CAST: variants seen among roughly 807,000 people sequenced by gnomAD.
CAST encodes MIR583 host.
Under a neutral mutation model 119.6 loss-of-function variants are expected in CAST, and 76 were observed. The ratio of observed to expected loss-of-function variants is 0.64; its 90% CI spans 0.53 to 0.77. CAST has a LOEUF of 0.77. CAST is among the 30% of genes least tolerant of loss of function. The probability of loss-of-function intolerance (pLI) is 0.00; values close to 1 mark genes in which losing one functional copy is unlikely to be tolerated. For missense variants in CAST, 953 were observed against 946.5 expected (o/e 1.01, Z -0.09); for synonymous variants, 319 against 331.6 (o/e 0.96, Z 0.41).
At position 96,608,440 on chromosome 5, in the gene CAST, A is replaced by G. The variant is rs75899615; in HGVS notation, c.61-67099A>G. 9.4e-3 allele frequency among the ~76,000 whole-genome samples: 1,433 copies of G among 152,246 alleles called. 6 individuals carry two copies. Among genetic ancestry groups the G allele is most frequent in the Non-Finnish European group, 0.015 (1,005 of 68,008 alleles). On this transcript the variant is annotated intron_variant, in intron 1 of 11. Coordinates refer to the CAST transcript ENST00000505143. The stretch of plus-strand genomic sequence containing the variant: ...AAGGTTTTTGTGGACTAGGTTTAAT[A>G]CTCAATAAATACTACCTGTTTGTAT...
the CAST span, among the ~76,000 whole-genome samples, chr5:96,520,138 C>T: frequency 6.6e-6 from 1 of 152,178 alleles, no homozygotes; most frequent in African/African-American, 2.4e-5. Context: ...AAACCATTCC[C>T]TTTTTTGCCT....
At chr5:96,394,867 C>T in the CAST span, 1 of 1,613,936 alleles carries the variant, frequency 6.2e-7, no homozygotes, top group Non-Finnish European at 8.5e-7. Context: ...CACAGACCTC[C>T]CCTGGATCCA....
the CAST span, among the ~76,000 whole-genome samples, chr5:96,128,576 C>T: frequency 0.013 from 1,920 of 152,174 alleles, 17 homozygotes; most frequent in South Asian, 0.02. Flanking sequence ...ACACTATCCT[C>T]CAACCTTTCT....
At chr5:96,109,788 G>A in the CAST span, among the ~76,000 whole-genome samples, 1 of 152,066 alleles carries the variant, frequency 6.6e-6, no homozygotes, top group Admixed American at 6.5e-5. Flanking sequence ...TTTTCCCTGG[G>A]CTTTAAAAAT....
the CAST span, among the ~76,000 whole-genome samples, chr5:96,232,056 G>A: frequency 0.29 from 43,413 of 151,944 alleles, 7,126 homozygotes; most frequent in Admixed American, 0.42. Flanking sequence ...TAAAATATTG[G>A]AGATTCAATA....
chr5:95,992,640 A>G, the CAST span, among the ~76,000 whole-genome samples: 1 of 152,180 alleles, frequency 6.6e-6, no homozygotes, highest in Non-Finnish European at 1.5e-5. Context: ...CAGAAAGAAG[A>G]CATTCATGGA....
At chr5:95,982,897 C>G in the CAST span, among the ~76,000 whole-genome samples, 1 of 151,982 alleles carries the variant, frequency 6.6e-6, no homozygotes, top group Non-Finnish European at 1.5e-5. Flanking sequence ...TTTTTTACAA[C>G]ATTATTTATA....
At chr5:96,158,212 G>A in the CAST span, among the ~76,000 whole-genome samples, 626 of 152,336 alleles carry the variant, frequency 4.1e-3, 14 homozygotes, top group South Asian at 0.046. Context: ...TAAGCAAAGA[G>A]AGGAGAGACC....
the CAST span, among the ~76,000 whole-genome samples, chr5:96,499,356 T>C: frequency 1.3e-5 from 2 of 152,256 alleles, no homozygotes; most frequent in East Asian, 1.9e-4. Flanking sequence ...TCCAAGTGCA[T>C]ATAAAGTTAT....
the CAST span, among the ~76,000 whole-genome samples, chr5:96,083,334 C>G: frequency 6.6e-6 from 1 of 152,150 alleles, no homozygotes; most frequent in East Asian, 1.9e-4. Flanking sequence ...AGAGGAGGGA[C>G]ATTGTGTTCT....
chr5:96,470,392 C>A, the CAST span, among the ~76,000 whole-genome samples: 1 of 151,860 alleles, frequency 6.6e-6, no homozygotes, highest in South Asian at 2.1e-4. Flanking sequence ...ACCAAACTAC[C>A]ACAATAAATA....
intron 1 of CAST, among the ~76,000 whole-genome samples, chr5:96,541,561 A>T (rs1164072624): frequency 6.6e-6 from 1 of 152,168 alleles, no homozygotes; most frequent in African/African-American, 2.4e-5. Context: ...TGTATTCACC[A>T]TTATAGTATT....
chr5:96,363,656 G>A, the CAST span, among the ~76,000 whole-genome samples: 9 of 152,152 alleles, frequency 5.9e-5, no homozygotes, highest in African/African-American at 2.2e-4. Context: ...TGGTGTATAA[G>A]AATGCTTGTG....
chr5:96,398,833 A>C, the CAST span: 143 of 1,455,064 alleles, frequency 9.8e-5, no homozygotes, highest in East Asian at 3.2e-3. Context: ...TGAATCATTC[A>C]ACTTACACTT....
At chr5:96,478,889 T>A in the CAST span, among the ~76,000 whole-genome samples, 1 of 152,180 alleles carries the variant, frequency 6.6e-6, no homozygotes, top group East Asian at 1.9e-4. Flanking sequence ...TCTTCACTAT[T>A]ACATAGGGAG....
At chr5:96,057,961 G>A in the CAST span, among the ~76,000 whole-genome samples, 1 of 152,140 alleles carries the variant, frequency 6.6e-6, no homozygotes. Context: ...ACAATCTTCA[G>A]ATTTTGAGCA....
chr5:96,399,887 T>C, the CAST span: 2 of 1,276,510 alleles, frequency 1.6e-6, no homozygotes, highest in South Asian at 1.2e-5. Flanking sequence ...TCAGGCAGAA[T>C]GGCAAACATA....
chr5:95,969,077 G>C, the CAST span, among the ~76,000 whole-genome samples: 1 of 152,168 alleles, frequency 6.6e-6, no homozygotes, highest in Non-Finnish European at 1.5e-5. Context: ...TAAGTTTAAG[G>C]ATCTTATGAG....
the CAST span, among the ~76,000 whole-genome samples, chr5:96,000,348 A>G: frequency 6.6e-6 from 1 of 152,184 alleles, no homozygotes; most frequent in Non-Finnish European, 1.5e-5. Context: ...CTTCAAGGTT[A>G]TCTCCTATGC....
Sources: allele counts gnomAD v4.1 joint callset (sites outside exome capture counted in the v4.1 genomes callset), GRCh38; gene constraint gnomAD v4.1.1; transcripts MANE v1.5; gene names NCBI Gene and HGNC (gene_info 2026-07-23, HGNC 2026-07-21).